ALDH5A1: variants seen among roughly 807,000 people sequenced by gnomAD.
ALDH5A1 encodes succinate-semialdehyde dehydrogenase, mitochondrial.
A neutral mutation model predicts 54.7 loss-of-function variants in ALDH5A1; 33 were observed. The observed-to-expected ratio is 0.60, with a 90% CI of 0.46 to 0.81. ALDH5A1 has a LOEUF of 0.81. Ranked by LOEUF, ALDH5A1 falls within the 30% of genes least tolerant of loss-of-function variation. ALDH5A1 has a pLI of 0.00. For synonymous variants in ALDH5A1, 294 were observed against 292.7 expected (o/e 1.00, Z -0.05); for missense variants, 657 against 711.0 (o/e 0.92, Z 0.86).
At position 24,495,089 on chromosome 6, in the gene ALDH5A1, G is replaced by T. The variant is rs920257954; in HGVS notation, c.93G>T (p.Leu31=). ...GCRLRPRAGG[L]VPASGPAPGP... is the part of the protein sequence containing the mutation. ...GCCTCCGCCCCCGCGCCGGCGGCCT[G>T]GTCCCTGCCTCCGGGCCTGCGCCCG... is the stretch of plus-strand genomic sequence containing the variant. The change falls in exon 1 of 10, where the codon CTG becomes CTT. Residue 31 remains leucine, a synonymous_variant. Transcript: ENST00000357578. 7.6e-7 allele frequency: 1 copy of T among 1,321,804 alleles called. No homozygotes were observed. The highest frequency in any genetic ancestry group is 3.5e-5 in the Admixed American group (1 of 28,562). 81.9% of individuals were successfully genotyped at this position (1,321,804 alleles called of 1,614,324 possible). A position where few individuals can be genotyped will look rare whatever the true frequency, so the allele number is the denominator to read the frequency against.
At position 24,495,407 on chromosome 6, in the gene ALDH5A1, A is replaced by G. The variant is rs1378035246; in HGVS notation, c.354+57A>G. ...TGGCCGGGGACACGGCGGGGAGCAG[A>G]GGGGGCTTTACCCCAAAGTGACACC... is the stretch of plus-strand genomic sequence containing the variant. On this transcript the variant is annotated intron_variant, in intron 1 of 9. Coordinates refer to ENST00000357578, the MANE Select transcript of ALDH5A1 (RefSeq NM_001080.3). The G allele has an allele frequency of 6.7e-6, 10 of 1,497,094 alleles. No homozygotes were observed. The East Asian group carries it at 1.5e-4, about 23-fold the overall frequency. 92.7% of individuals were successfully genotyped at this position (1,497,094 alleles called of 1,614,324 possible).
chr6:24,498,384 A>G (rs939383237), intron 1 of ALDH5A1, among the ~76,000 whole-genome samples: 7 of 152,162 alleles, frequency 4.6e-5, no homozygotes, highest in African/African-American at 1.7e-4. Flanking sequence ...CCAGGGCCTG[A>G]GCCCTGGTTC....
Position 24,528,174 on chromosome 6 carries a change from C to T in ALDH5A1, c.1343+8C>T, listed in dbSNP as rs775916984. 22 of 1,613,508 alleles carry T rather than the reference C, an allele frequency of 1.4e-5. No homozygotes were observed. The highest frequency in any genetic ancestry group is 1.7e-5 in the Non-Finnish European group (20 of 1,179,764). Reference sequence around the variant, plus strand: ...TCTGGCACCAGTTATCAAGTAAGATCCTCCAGCCAGCGGGGAGATGGGAGG... The same window carrying T: ...TCTGGCACCAGTTATCAAGTAAGATTCTCCAGCCAGCGGGGAGATGGGAGG... On this transcript the variant is annotated splice_region_variant and intron_variant, in intron 8 of 9. Coordinates refer to ENST00000357578, the MANE Select transcript of ALDH5A1 (RefSeq NM_001080.3).
intron 1 of ALDH5A1, among the ~76,000 whole-genome samples, chr6:24,497,093 G>T (rs1315576618): frequency 6.6e-6 from 1 of 152,168 alleles, no homozygotes; most frequent in East Asian, 1.9e-4. Context: ...AGATGGCATG[G>T]ACCCAAAGAA....
chr6:24,504,888 T>C lies in ALDH5A1; in HGVS notation c.629T>C (p.Met210Thr). ...CCCCAGTGGAATTTCCCCAGTGCCA[T>C]GATCACCCGGAAGGTGGGGGCCGCC... ...VITPWNFPSAMITRKVGAALA... is the reference protein window; with the variant it reads ...VITPWNFPSATITRKVGAALA... Residue 210 changes from methionine to threonine, a missense_variant, in exon 4 of 10, where the codon ATG (methionine) becomes ACG (threonine). Around this residue, in one of 2 missense-constraint regions of ALDH5A1, gnomAD observed 425 missense variants for 516.4 expected, o/e 0.82. Coordinates refer to ENST00000357578, the MANE Select transcript of ALDH5A1 (RefSeq NM_001080.3). The C allele has an allele frequency of 1.9e-6, 3 of 1,614,202 alleles. No homozygotes were observed. Among genetic ancestry groups the C allele is most frequent in the Non-Finnish European group, 2.5e-6 (3 of 1,180,016 alleles).
At chr6:24,512,365 G>A (rs577002596) in intron 4 of ALDH5A1, among the ~76,000 whole-genome samples, 1 of 152,318 alleles carries the variant, frequency 6.6e-6, no homozygotes, top group African/African-American at 2.4e-5. Context: ...TTGTCCATCC[G>A]AGTGGGAGCT....
At position 24,536,295 on chromosome 6, in the gene ALDH5A1, G is replaced by A. The variant is rs1286386093; in HGVS notation, c.*2583G>A. 1.3e-5 allele frequency: 2 copies of A among 152,052 alleles called. No individual in the cohort carries two copies. Among genetic ancestry groups the A allele is most frequent in the Non-Finnish European group, 2.9e-5 (2 of 68,012 alleles). The allele number at this position is 152,052 out of a possible 1,614,324, so 9.4% of individuals were successfully genotyped here. ...ATGGTTTATATGTTTTCAAATGATT[G>A]GGCAGAAAATCAAAAGAAGAACAAT... On this transcript the variant is annotated 3_prime_UTR_variant, in exon 10 of 10. Transcript: ENST00000357578.
rs987843887 is a variant in ALDH5A1 at position 24,511,215 on chromosome 6, T to G, written c.727-3952T>G. On this transcript the variant is annotated intron_variant, in intron 4 of 9. Coordinates refer to ENST00000357578, the MANE Select transcript of ALDH5A1 (RefSeq NM_001080.3). ...TGCTAATCTGATAGGTTTTCCTTTA[T>G]AGGTTACCTGGTGCTTTTGCCTCAC... is the stretch of plus-strand genomic sequence containing the variant. Among the ~76,000 whole-genome samples the G allele has an allele frequency of 2.6e-5, 4 of 152,314 alleles. No individual in the cohort carries two copies. In the East Asian group the frequency reaches 7.7e-4, roughly 29 times the overall value.
intron 5 of ALDH5A1, among the ~76,000 whole-genome samples, chr6:24,516,771 AAAT>A (rs1242643075): frequency 2.0e-5 from 3 of 152,032 alleles, no homozygotes; most frequent in Non-Finnish European, 4.4e-5. Flanking sequence ...ACAAAAAAAA[AAAT>A]TAGCTGGGCT....
intron 1 of ALDH5A1, among the ~76,000 whole-genome samples, chr6:24,496,816 C>T (rs114525642): frequency 6.6e-6 from 1 of 152,116 alleles, no homozygotes; most frequent in Non-Finnish European, 1.5e-5. Flanking sequence ...CCAGAATGAC[C>T]TCATCATAAC....
At chr6:24,527,221 A>G (rs952175110) in intron 7 of ALDH5A1, among the ~76,000 whole-genome samples, 9 of 151,870 alleles carry the variant, frequency 5.9e-5, no homozygotes, top group African/African-American at 2.2e-4. Flanking sequence ...AGTACAAAAC[A>G]CCAGAAACTT....
At chr6:24,524,078 T>C (rs758657733) in intron 7 of ALDH5A1, among the ~76,000 whole-genome samples, 2 of 147,932 alleles carry the variant, frequency 1.4e-5, no homozygotes, top group Non-Finnish European at 3.0e-5. Context: ...TCCGCCCCAC[T>C]GAGTTCAATT....
Position 24,536,810 on chromosome 6 carries a change from A to G in ALDH5A1, c.*3098A>G, listed in dbSNP as rs1760059345. 6.6e-6 allele frequency: 1 copy of G among 152,628 alleles called. No homozygotes were observed. Among genetic ancestry groups the G allele is most frequent in the Admixed American group, 6.5e-5 (1 of 15,286 alleles). 9.5% of individuals were successfully genotyped at this position (152,628 alleles called of 1,614,324 possible). A position where few individuals can be genotyped will look rare whatever the true frequency, so the allele number is the denominator to read the frequency against. On this transcript the variant is annotated 3_prime_UTR_variant, in exon 10 of 10. Transcript: ENST00000357578. ...TAGCTTTTAAATATGATTTTATGTG[A>G]AGTGCCATTTCTTTATTCTACTAAA...
At position 24,523,069 on chromosome 6, in the gene ALDH5A1, T is replaced by C. The variant is rs537734810; in HGVS notation, c.1173+144T>C. On this transcript the variant is annotated intron_variant, in intron 7 of 9. Coordinates refer to ENST00000357578, the MANE Select transcript of ALDH5A1 (RefSeq NM_001080.3). ...TTACAGCTAGACAGAAGGAATAAGC[T>C]CTGGTGTTCTACAGCACTGTAGAAT... The C allele has an allele frequency of 1.2e-3, 947 of 765,860 alleles. 1 individual carries two copies. Among genetic ancestry groups the C allele is most frequent in the African/African-American group, 7.9e-3 (448 of 57,056 alleles). 47.4% of individuals were successfully genotyped at this position (765,860 alleles called of 1,614,324 possible).
intron 4 of ALDH5A1, chr6:24,511,918 AT>A: frequency 1.7e-6 from 1 of 576,420 alleles, no homozygotes. Context: ...GTTTTTTCAT[AT>A]TATCAGAGTT....
Position 24,537,042 on chromosome 6 carries a change from G to A in ALDH5A1, c.*3330G>A, listed in dbSNP as rs1281937317. On this transcript the variant is annotated 3_prime_UTR_variant, in exon 10 of 10. Coordinates refer to ENST00000357578, the MANE Select transcript of ALDH5A1 (RefSeq NM_001080.3). ...CATTGTTTCATGCTATACTTTGTGGGATAAAACTTGGGAATGAGTGTGGTA... is the reference window on the plus strand; with the variant it reads ...CATTGTTTCATGCTATACTTTGTGGAATAAAACTTGGGAATGAGTGTGGTA... The A allele has an allele frequency of 6.6e-6, 1 of 152,612 alleles. No individual in the cohort carries two copies. The highest frequency in any genetic ancestry group is 1.9e-4 in the East Asian group (1 of 5,206). 9.5% of individuals were successfully genotyped at this position (152,612 alleles called of 1,614,324 possible). A position where few individuals can be genotyped will look rare whatever the true frequency, so the allele number is the denominator to read the frequency against.
intron 2 of ALDH5A1, 23 bp from the exon 3 acceptor site, chr6:24,503,240 G>T: frequency 6.2e-7 from 1 of 1,611,750 alleles, no homozygotes. Context: ...GTAATACGTG[G>T]GTTCTTTTCT....
At chr6:24,524,987 G>C (rs1759773486) in intron 7 of ALDH5A1, among the ~76,000 whole-genome samples, 1 of 152,202 alleles carries the variant, frequency 6.6e-6, no homozygotes. Flanking sequence ...GGAAGACGCA[G>C]ACATTGTCCT....
chr6:24,520,197 C>T (rs1759652351), intron 5 of ALDH5A1, among the ~76,000 whole-genome samples: 2 of 152,160 alleles, frequency 1.3e-5, no homozygotes, highest in African/African-American at 4.8e-5. Context: ...CACTACCACA[C>T]CCAGCCTCTT....
Sources: gnomAD v4.1 joint callset for allele counts (sites outside exome capture counted in the v4.1 genomes callset) on GRCh38, gnomAD v4.1.1 for gene constraint, gnomAD v4.1.1 regional missense constraint, MANE v1.5 for transcripts, NCBI Gene and HGNC (gene_info 2026-07-23, HGNC 2026-07-21) for gene names.